The following PRKG1 variants were observed in gnomAD, a reference collection of about 807,000 sequenced individuals.
PRKG1 encodes the protein protein kinase cGMP-dependent 1, also known as cGMP-dependent protein kinase 1.
In PRKG1, 35 loss-of-function variants were observed where a neutral mutation model predicts 88.1. The ratio of observed to expected loss-of-function variants is 0.40; its 90% CI spans 0.30 to 0.53. PRKG1 has a LOEUF of 0.53. Among genes scored for constraint, PRKG1 ranks in the 20% least tolerant of loss-of-function variants. The probability of loss-of-function intolerance (pLI) is 0.59; values close to 1 mark genes in which losing one functional copy is unlikely to be tolerated. For synonymous variants in PRKG1, 303 were observed against 292.5 expected (o/e 1.04, Z -0.37); for missense variants, 540 against 839.8 (o/e 0.64, Z 4.41).
rs113309935 is a variant in PRKG1 at position 51,297,893 on chromosome 10, T to A, written c.478+144563T>A. ...GCATTTAATGGCTTTTCCTAAAAAA[T>A]AATGCAAGCAGTTCTTAACCCTAAC... is the stretch of plus-strand genomic sequence containing the variant. On this transcript the variant is annotated intron_variant, in intron 2 of 17. Coordinates refer to ENST00000373980, the MANE Select transcript of PRKG1 (RefSeq NM_006258.4). Among the ~76,000 whole-genome samples, 720 of 152,208 alleles carry A rather than the reference T, an allele frequency of 4.7e-3. 6 individuals are homozygous for A. Among genetic ancestry groups the A allele is most frequent in the African/African-American group, 0.016 (681 of 41,560 alleles).
At chr10:51,532,946 G>A (rs533431226) in intron 3 of PRKG1, among the ~76,000 whole-genome samples, 6 of 152,122 alleles carry the variant, frequency 3.9e-5, no homozygotes, top group Middle Eastern at 3.4e-3. Context: ...TAGCTTGGGG[G>A]CAAGAAACCT....
Position 50,991,575 on chromosome 10 carries a change from C to G in PRKG1, c.197C>G (p.Ala66Gly). The change falls in exon 1 of 18, where the codon GCC becomes GGC. Residue 66 changes from alanine (A) to glycine (G), a missense_variant. Ala to Gly is a moderately conservative substitution (Grantham distance 60). Transcript: ENST00000401604. The surrounding 1 kb of genome is among the most constrained non-coding windows in gnomAD (Gnocchi z 4.5). ...ACCACCCGGGCGCAGGGCATCTCGG[C>G]CGAGCCGCAGACGTACAGGTCCTTC... 6.2e-7 allele frequency: 1 copy of G among 1,600,832 alleles called. No homozygotes were observed. Among genetic ancestry groups the G allele is most frequent in the East Asian group, 2.3e-5 (1 of 44,126 alleles).
At chr10:51,910,892 A>C (rs1842201840) in intron 5 of PRKG1, 1 of 152,214 alleles carries the variant, frequency 6.6e-6, no homozygotes, top group African/African-American at 2.4e-5. Context: ...CATGAGGTTA[A>C]AGAATTTCTG....
At chr10:52,032,479 G>C (rs1002250293) in intron 5 of PRKG1, among the ~76,000 whole-genome samples, 4 of 152,098 alleles carry the variant, frequency 2.6e-5, no homozygotes, top group Non-Finnish European at 4.4e-5. Flanking sequence ...TCTAGCTTGT[G>C]ATAAATGTTA....
chr10:52,126,377 A>C (rs955806991), intron 7 of PRKG1, among the ~76,000 whole-genome samples: 1 of 152,210 alleles, frequency 6.6e-6, no homozygotes, highest in African/African-American at 2.4e-5. Context: ...TTAATAAATA[A>C]AAAGAGATAA....
chr10:51,370,296 C>T (rs1384823248), intron 2 of PRKG1, among the ~76,000 whole-genome samples: 1 of 152,052 alleles, frequency 6.6e-6, no homozygotes, highest in African/African-American at 2.4e-5. Context: ...TGTAAACGCT[C>T]CCTGGGTGCT....
At chr10:51,336,834 C>T (rs1841887478) in intron 2 of PRKG1, among the ~76,000 whole-genome samples, 1 of 152,010 alleles carries the variant, frequency 6.6e-6, no homozygotes, top group Admixed American at 6.6e-5. Flanking sequence ...GCCATAATGC[C>T]CAAAATAATT....
intron 9 of PRKG1, among the ~76,000 whole-genome samples, chr10:52,194,377 A>G (rs1425786966): frequency 6.6e-6 from 1 of 152,158 alleles, no homozygotes; most frequent in Non-Finnish European, 1.5e-5. Flanking sequence ...CACAGTTTCC[A>G]TGGAAACATG....
intron 4 of PRKG1, among the ~76,000 whole-genome samples, chr10:51,823,377 G>T (rs896945191): frequency 6.6e-6 from 1 of 152,176 alleles, no homozygotes; most frequent in South Asian, 2.1e-4. Context: ...ATGGCATATA[G>T]GGTGAAACTA....
Position 51,249,087 on chromosome 10 carries a change from AT to A in PRKG1, c.478+95764del, listed in dbSNP as rs552160544. The stretch of plus-strand genomic sequence containing the variant: ...TATAAAATTTTTAAAAACATGATAA[AT>A]TTTTTTAAGAGGCGAGGAAGACAGT... On this transcript the variant is annotated intron_variant, in intron 2 of 17. Transcript: ENST00000373980. 1.3e-3 allele frequency among the ~76,000 whole-genome samples: 193 copies of A among 151,948 alleles called. 3 individuals are homozygous for A. The South Asian group carries it at 0.024, about 19-fold the overall frequency.
intron 3 of PRKG1, among the ~76,000 whole-genome samples, chr10:51,524,452 A>C (rs1359315845): frequency 1.3e-5 from 2 of 152,210 alleles, no homozygotes; most frequent in Non-Finnish European, 2.9e-5. Flanking sequence ...TAGATAATAC[A>C]TAAATGAAGG....
intron 7 of PRKG1, among the ~76,000 whole-genome samples, chr10:52,120,302 A>G (rs1425709740): frequency 2.0e-5 from 3 of 152,140 alleles, no homozygotes; most frequent in Non-Finnish European, 1.5e-5. Flanking sequence ...AATTCTGTGC[A>G]TGCCTCTCCA....
At chr10:51,725,736 C>A (rs574894432) in intron 3 of PRKG1, among the ~76,000 whole-genome samples, 2 of 151,760 alleles carry the variant, frequency 1.3e-5, no homozygotes. Context: ...TGGGCTCAAG[C>A]GATCCTCCTG....
intron 2 of PRKG1, among the ~76,000 whole-genome samples, chr10:51,196,004 A>G (rs757002146): frequency 2.6e-4 from 39 of 152,162 alleles, no homozygotes; most frequent in Admixed American, 1.2e-3. Flanking sequence ...ACATACTTCA[A>G]TCTTGTAAAT....
intron 9 of PRKG1, among the ~76,000 whole-genome samples, chr10:52,218,308 T>A (rs925723883): frequency 3.7e-4 from 56 of 151,342 alleles, no homozygotes; most frequent in African/African-American, 1.4e-3. Flanking sequence ...ACAGCTGACA[T>A]CCATCAAAGG....
intron 2 of PRKG1, among the ~76,000 whole-genome samples, chr10:51,420,458 T>TG (rs1193801345): frequency 6.6e-6 from 1 of 152,108 alleles, no homozygotes; most frequent in African/African-American, 2.4e-5. Context: ...GGCTTAATCA[T>TG]GGTTGCACCA....
intron 5 of PRKG1, among the ~76,000 whole-genome samples, chr10:51,923,364 G>T (rs1027268114): frequency 6.6e-6 from 1 of 151,194 alleles, no homozygotes; most frequent in Non-Finnish European, 1.5e-5. Context: ...TTTAATTGGT[G>T]TATTTACACT....
chr10:52,149,407 C>A (rs1315419369), intron 8 of PRKG1, among the ~76,000 whole-genome samples: 1 of 152,052 alleles, frequency 6.6e-6, no homozygotes, highest in Non-Finnish European at 1.5e-5. Flanking sequence ...TGAATTATGT[C>A]CACCCCAAAT....
chr10:51,569,843 A>T (rs549121789), intron 3 of PRKG1, among the ~76,000 whole-genome samples: 1 of 152,050 alleles, frequency 6.6e-6, no homozygotes, highest in Non-Finnish European at 1.5e-5. Flanking sequence ...ATGCATATAA[A>T]TGCGGACAGT....
Sources: allele counts gnomAD v4.1 joint callset (sites outside exome capture counted in the v4.1 genomes callset), GRCh38; gene constraint gnomAD v4.1.1; non-coding constraint Gnocchi (gnomAD v3.1); transcripts MANE v1.5; gene names NCBI Gene and HGNC (gene_info 2026-07-23, HGNC 2026-07-21).